GORASP2: variants seen among roughly 807,000 people sequenced by gnomAD.
GORASP2 encodes the protein golgi reassembly stacking protein 2.
A neutral mutation model predicts 45.7 loss-of-function variants in GORASP2; 22 were observed. The observed-to-expected ratio is 0.48, with a 90% confidence interval of 0.34 to 0.69. The LOEUF is 0.69. Among genes scored for constraint, GORASP2 ranks in the 30% least tolerant of loss-of-function variants. The probability of loss-of-function intolerance (pLI) is 0.01; values close to 1 mark genes in which losing one functional copy is unlikely to be tolerated. For synonymous variants in GORASP2, 221 were observed against 215.6 expected (o/e 1.02, Z -0.22); for missense variants, 491 against 562.7 (o/e 0.87, Z 1.29).
Position 170,938,090 on chromosome 2 carries a change from C to G in GORASP2, c.63+8687C>G, listed in dbSNP as rs1403425191. On this transcript the variant is annotated intron_variant, in intron 1 of 9. Transcript: ENST00000234160. ...TATGAAAATAATGAAAACAATTGAG[C>G]ATTATTAAATCTCTTTCTTAAAACA... is the stretch of plus-strand genomic sequence containing the variant. Among the ~76,000 whole-genome samples the G allele has an allele frequency of 2.6e-5, 4 of 152,314 alleles. No individual in the cohort carries two copies. In the East Asian group the frequency reaches 7.7e-4, roughly 29 times the overall value.
rs746443357 is a variant in GORASP2 at position 170,966,021 on chromosome 2, C to G, written c.1250C>G (p.Pro417Arg). The change falls in exon 10 of 10, where the codon CCC (proline) becomes CGC (arginine). Residue 417 changes from proline to arginine, a missense_variant. This residue lies in a region of GORASP2 where 297 missense variants were observed against 292.3 expected (regional missense o/e 1.02). Transcript: ENST00000234160. ...TCACTCACTGTGGATGTGACGCCCC[C>G]CACTGCCAAGGCCCCCACCACCGTT... The part of the protein sequence containing the change: ...ASSLTVDVTP[P>R]TAKAPTTVED... The G allele has an allele frequency of 1.9e-6, 3 of 1,613,836 alleles. No individual in the cohort carries two copies. The highest frequency in any genetic ancestry group is 2.7e-5 in the African/African-American group (2 of 75,022).
chr2:170,935,071 G>T (rs1234587973), intron 1 of GORASP2, among the ~76,000 whole-genome samples: 1 of 152,070 alleles, frequency 6.6e-6, no homozygotes, highest in Admixed American at 6.5e-5. Context: ...AGGCCCAGAA[G>T]TTGTTTAATA....
chr2:170,929,677 G>A (rs1030225238), intron 1 of GORASP2: 4 of 628,436 alleles, frequency 6.4e-6, no homozygotes, highest in African/African-American at 1.9e-5. Flanking sequence ...GCCCTGGGAA[G>A]GGGGGACAAC....
intron 9 of GORASP2, 42 bp from the exon 10 acceptor site, chr2:170,965,748 C>CT (rs1704669546): frequency 7.5e-7 from 1 of 1,340,570 alleles, no homozygotes; most frequent in South Asian, 1.2e-5. Flanking sequence ...GCTGTCCTTT[C>CT]AGTGCTGGGA....
At chr2:170,930,886 T>C (rs969314295) in intron 1 of GORASP2, among the ~76,000 whole-genome samples, 3 of 151,914 alleles carry the variant, frequency 2.0e-5, no homozygotes, top group Non-Finnish European at 2.9e-5. Context: ...CAGTGACCGA[T>C]TGTGGTCATG....
At chr2:170,936,134 A>G (rs1173624645) in intron 1 of GORASP2, among the ~76,000 whole-genome samples, 1 of 151,482 alleles carries the variant, frequency 6.6e-6, no homozygotes, top group East Asian at 1.9e-4. Flanking sequence ...TTAATATTCT[A>G]TTGAAAGGAT....
intron 5 of GORASP2, among the ~76,000 whole-genome samples, chr2:170,953,128 G>A (rs561664132): frequency 3.3e-5 from 5 of 152,262 alleles, no homozygotes; most frequent in South Asian, 4.1e-4. Context: ...GGCTGAGGCG[G>A]GTGGATCACT....
intron 1 of GORASP2, among the ~76,000 whole-genome samples, chr2:170,934,740 T>G (rs1359488382): frequency 3.3e-5 from 5 of 152,022 alleles, no homozygotes; most frequent in Admixed American, 2.6e-4. Flanking sequence ...TCTTTTTTGT[T>G]TGTTTGTTTG....
rs543623940 is a variant in GORASP2, at chr2:170,937,187, G to A, written c.63+7784G>A. ...GGTGCCACTGTACTCCAGCCTGGGCGACAGAGTGAGACTCCATCACAAAAA... is the reference window on the plus strand; with the variant it reads ...GGTGCCACTGTACTCCAGCCTGGGCAACAGAGTGAGACTCCATCACAAAAA... On this transcript the variant is annotated intron_variant, in intron 1 of 9. Transcript: ENST00000234160. 1.6e-3 allele frequency among the ~76,000 whole-genome samples: 246 copies of A among 151,892 alleles called. 1 individual carries two copies. Among genetic ancestry groups the A allele is most frequent in the African/African-American group, 5.5e-3 (229 of 41,424 alleles).
At chr2:170,942,526 G>A (rs1291077212) in intron 1 of GORASP2, among the ~76,000 whole-genome samples, 1 of 152,132 alleles carries the variant, frequency 6.6e-6, no homozygotes, top group Non-Finnish European at 1.5e-5. Context: ...ATGTTTTCAA[G>A]ATTTATCCAT....
At chr2:170,946,098 A>G (rs1353162789) in intron 1 of GORASP2, among the ~76,000 whole-genome samples, 4 of 152,044 alleles carry the variant, frequency 2.6e-5, no homozygotes, top group Admixed American at 6.6e-5. Flanking sequence ...TGCAGCCTCA[A>G]TCTCCTGGGT....
intron 1 of GORASP2, among the ~76,000 whole-genome samples, chr2:170,933,877 A>G (rs2676145): frequency 0.85 from 129,686 of 152,154 alleles, 56,756 homozygotes; most frequent in East Asian, 1. Context: ...TTGACATGAA[A>G]TGTGTCACGA....
At chr2:170,959,143 G>T (rs527441176) in intron 7 of GORASP2, among the ~76,000 whole-genome samples, 10 of 151,368 alleles carry the variant, frequency 6.6e-5, no homozygotes, top group Admixed American at 5.9e-4. Context: ...TGTATTTTTA[G>T]TAGAGACGGG....
intron 7 of GORASP2, among the ~76,000 whole-genome samples, chr2:170,959,285 C>T (rs902675887): frequency 4.6e-5 from 7 of 152,128 alleles, no homozygotes; most frequent in African/African-American, 1.7e-4. Context: ...TGATTTTAGG[C>T]GATAGTTGAC....
chr2:170,949,954 AATG>A, intron 3 of GORASP2: 1 of 566,236 alleles, frequency 1.8e-6, no homozygotes. Flanking sequence ...AACTTTTTCT[AATG>A]ATTTATTCAT....
chr2:170,960,975 G>A (rs770833889), intron 7 of GORASP2, among the ~76,000 whole-genome samples: 9 of 152,148 alleles, frequency 5.9e-5, no homozygotes, highest in African/African-American at 1.9e-4. Context: ...TTATTGTTTC[G>A]ACATCAGCAA....
chr2:170,941,174 A>G (rs1436562098), intron 1 of GORASP2, among the ~76,000 whole-genome samples: 1 of 152,176 alleles, frequency 6.6e-6, no homozygotes, highest in Non-Finnish European at 1.5e-5. Context: ...AGCTAACCTC[A>G]GATGTATAGT....
chr2:170,956,024 C>T (rs944402662), intron 6 of GORASP2, among the ~76,000 whole-genome samples: 1 of 152,218 alleles, frequency 6.6e-6, no homozygotes, highest in Non-Finnish European at 1.5e-5. Flanking sequence ...ATTAAGACTT[C>T]CAGCTGATTT....
rs540630178 is a variant in GORASP2 at position 170,932,324 on chromosome 2, T to C, written c.63+2921T>C. ...CTGTTGCACACCTCAGTCTTCTCAG[T>C]TGTTGACCTATCTTGGCAGTCTTTC... On this transcript the variant is annotated intron_variant, in intron 1 of 9. Coordinates refer to ENST00000234160, the MANE Select transcript of GORASP2 (RefSeq NM_015530.5). 4.6e-5 allele frequency among the ~76,000 whole-genome samples: 7 copies of C among 152,364 alleles called. No individual in the cohort carries two copies. In the East Asian group the frequency reaches 1.3e-3, roughly 29 times the overall value.
Sources: allele counts gnomAD v4.1 joint callset (sites outside exome capture counted in the v4.1 genomes callset), GRCh38; gene constraint gnomAD v4.1.1; regional missense constraint gnomAD v4.1.1; transcripts MANE v1.5; gene names NCBI Gene and HGNC (gene_info 2026-07-23, HGNC 2026-07-21).